Variants in SCHIP1 observed in about 807,000 individuals in gnomAD.
SCHIP1 encodes schwannomin-interacting protein 1.
Under a neutral mutation model 29.7 loss-of-function variants are expected in SCHIP1, and 8 were observed. The ratio of observed to expected loss-of-function variants is 0.27; its 90% CI spans 0.16 to 0.49. SCHIP1 has a LOEUF of 0.49. Ranked by LOEUF, SCHIP1 falls within the 20% of genes least tolerant of loss-of-function variation. SCHIP1 has a pLI of 0.99. For synonymous variants in SCHIP1, 76 were observed against 94.9 expected (o/e 0.80, Z 1.16); for missense variants, 193 against 294.6 (o/e 0.66, Z 2.52).
the SCHIP1 span, among the ~76,000 whole-genome samples, chr3:159,353,487 A>G: frequency 2.0e-5 from 3 of 152,162 alleles, no homozygotes; most frequent in African/African-American, 7.2e-5. Context: ...AGGTAGAATT[A>G]GAATAACTGA....
At chr3:159,350,044 G>A in the SCHIP1 span, among the ~76,000 whole-genome samples, 1 of 152,236 alleles carries the variant, frequency 6.6e-6, no homozygotes, top group African/African-American at 2.4e-5. Flanking sequence ...GGTGTAAGGA[G>A]GTTTTCAGAT....
At chr3:159,412,755 T>G in the SCHIP1 span, among the ~76,000 whole-genome samples, 17 of 152,258 alleles carry the variant, frequency 1.1e-4, no homozygotes, top group African/African-American at 4.1e-4. Context: ...CAGTTCCCAG[T>G]GCCCCTGGCC....
At chr3:159,382,126 A>G in the SCHIP1 span, among the ~76,000 whole-genome samples, 2 of 150,972 alleles carry the variant, frequency 1.3e-5, no homozygotes, top group East Asian at 1.9e-4. Context: ...TTATTACTAT[A>G]CTTTAAGTTT....
the SCHIP1 span, among the ~76,000 whole-genome samples, chr3:159,374,353 T>A: frequency 6.6e-6 from 1 of 152,088 alleles, no homozygotes; most frequent in African/African-American, 2.4e-5. Context: ...GGCAAAGTAC[T>A]GATTTAACAG....
chr3:159,642,105 C>A, the SCHIP1 span, among the ~76,000 whole-genome samples: 1 of 152,032 alleles, frequency 6.6e-6, no homozygotes, highest in African/African-American at 2.4e-5. Flanking sequence ...ACTGTTTCCC[C>A]ATATGTAAAA....
At chr3:159,321,147 T>C in the SCHIP1 span, among the ~76,000 whole-genome samples, 1 of 152,100 alleles carries the variant, frequency 6.6e-6, no homozygotes, top group African/African-American at 2.4e-5. Context: ...GCATTTTTGG[T>C]AGAGACGGGG....
intron 2 of SCHIP1, among the ~76,000 whole-genome samples, chr3:159,866,723 C>T (rs1156690182): frequency 6.6e-6 from 1 of 152,158 alleles, no homozygotes; most frequent in Non-Finnish European, 1.5e-5. Context: ...CCGCTTTGAT[C>T]ATTCAATGTT....
the SCHIP1 span, among the ~76,000 whole-genome samples, chr3:159,740,588 A>G: frequency 6.6e-6 from 1 of 152,008 alleles, no homozygotes; most frequent in Non-Finnish European, 1.5e-5. Context: ...TTTAATTTAA[A>G]TCCATCACAC....
chr3:159,606,178 C>T, the SCHIP1 span, among the ~76,000 whole-genome samples: 25 of 152,270 alleles, frequency 1.6e-4, no homozygotes, highest in Non-Finnish European at 2.6e-4. Context: ...TCAGATTTTA[C>T]GGACTAGTAC....
the SCHIP1 span, among the ~76,000 whole-genome samples, chr3:159,592,836 G>A: frequency 2.0e-5 from 3 of 152,096 alleles, no homozygotes; most frequent in African/African-American, 7.2e-5. Flanking sequence ...TTGAGGGTGG[G>A]ATCCTGCTCA....
the SCHIP1 span, among the ~76,000 whole-genome samples, chr3:159,723,765 CA>C: frequency 6.6e-6 from 1 of 152,294 alleles, no homozygotes; most frequent in East Asian, 1.9e-4. Context: ...CAGTCCAAAT[CA>C]ATCAAGAATT....
At chr3:159,414,554 T>C in the SCHIP1 span, among the ~76,000 whole-genome samples, 1 of 152,208 alleles carries the variant, frequency 6.6e-6, no homozygotes, top group Non-Finnish European at 1.5e-5. Context: ...GCTGTTCATA[T>C]GTAACCTTGT....
the SCHIP1 span, among the ~76,000 whole-genome samples, chr3:159,687,833 G>A: frequency 6.6e-6 from 1 of 152,126 alleles, no homozygotes; most frequent in Non-Finnish European, 1.5e-5. Context: ...TTCCACTTAT[G>A]AGTGACAACA....
At chr3:159,415,256 A>G in the SCHIP1 span, among the ~76,000 whole-genome samples, 18 of 152,150 alleles carry the variant, frequency 1.2e-4, no homozygotes, top group South Asian at 2.1e-4. Flanking sequence ...TGTCTGTATT[A>G]TTCACTGTAA....
At chr3:159,594,073 G>A in the SCHIP1 span, among the ~76,000 whole-genome samples, 1 of 152,220 alleles carries the variant, frequency 6.6e-6, no homozygotes, top group African/African-American at 2.4e-5. Flanking sequence ...CCCCTGTGTA[G>A]GGAAAGGAAC....
the SCHIP1 span, among the ~76,000 whole-genome samples, chr3:159,279,307 CT>C: frequency 6.6e-6 from 1 of 152,158 alleles, no homozygotes; most frequent in Non-Finnish European, 1.5e-5. Flanking sequence ...TAAGGTGTGC[CT>C]TTGCTCCTCC....
At chr3:159,648,883 A>AAG in the SCHIP1 span, among the ~76,000 whole-genome samples, 15 of 150,186 alleles carry the variant, frequency 1.0e-4, no homozygotes, top group South Asian at 6.3e-4. Flanking sequence ...GGAGTGGGGA[A>AAG]AGAGAGAGAG....
At chr3:159,338,623 G>T in the SCHIP1 span, among the ~76,000 whole-genome samples, 1 of 152,116 alleles carries the variant, frequency 6.6e-6, no homozygotes, top group Non-Finnish European at 1.5e-5. Flanking sequence ...GGGGCCAAGG[G>T]TAGATTCAGA....
the SCHIP1 span, among the ~76,000 whole-genome samples, chr3:159,559,533 C>T: frequency 2.0e-5 from 3 of 152,138 alleles, no homozygotes; most frequent in African/African-American, 4.8e-5. Flanking sequence ...TTAGCTAGAA[C>T]ATTTGCTTAT....
Sources: gnomAD v4.1 joint callset for allele counts (sites outside exome capture counted in the v4.1 genomes callset) on GRCh38, gnomAD v4.1.1 for gene constraint, MANE v1.5 for transcripts, NCBI Gene and HGNC (gene_info 2026-07-23, HGNC 2026-07-21) for gene names.